Variants in NAALADL2 observed in about 807,000 individuals in gnomAD.
NAALADL2 encodes inactive N-acetylated-alpha-linked acidic dipeptidase-like protein 2.
NAALADL2 carries 76 observed loss-of-function variants against 87.2 expected under a neutral mutation model. The ratio of observed to expected loss-of-function variants is 0.87; its 90% confidence interval spans 0.72 to 1.05. The LOEUF is 1.05. Among genes scored for constraint, NAALADL2 ranks in the 50% least tolerant of loss-of-function variants. The pLI is 0.00. For missense variants in NAALADL2, 1,089 were observed against 945.8 expected, an observed-to-expected ratio of 1.15 and a Z score of -1.99; for synonymous variants, 354 against 331.0, an observed-to-expected ratio of 1.07 and a Z score of -0.75.
chr3:175,469,158 G>A (rs1301299814), intron 8 of NAALADL2, among the ~76,000 whole-genome samples: 1 of 151,980 alleles, frequency 6.6e-6, no homozygotes, highest in Admixed American at 6.6e-5. Flanking sequence ...AATGAAAATG[G>A]TAAATAATAT....
chr3:175,236,770 T>C (rs1560208781), intron 3 of NAALADL2, among the ~76,000 whole-genome samples: 1 of 152,202 alleles, frequency 6.6e-6, no homozygotes. Flanking sequence ...TGTGCAGATA[T>C]TGGACACAGA....
At chr3:175,086,215 T>G (rs1718867025) in intron 1 of NAALADL2, among the ~76,000 whole-genome samples, 1 of 152,216 alleles carries the variant, frequency 6.6e-6, no homozygotes, top group Admixed American at 6.5e-5. Context: ...TGGTTCTTTA[T>G]AGTTTACAAT....
At chr3:174,543,784 G>A (rs958700175) in intron 1 of NAALADL2, among the ~76,000 whole-genome samples, 4 of 152,020 alleles carry the variant, frequency 2.6e-5, no homozygotes, top group African/African-American at 9.7e-5. Flanking sequence ...TAGGTGGGTG[G>A]ATCACTTGAG....
chr3:175,736,627 T>C (rs1375002138), intron 11 of NAALADL2, among the ~76,000 whole-genome samples: 1 of 152,252 alleles, frequency 6.6e-6, no homozygotes, highest in East Asian at 1.9e-4. Context: ...CAGGTTAAAA[T>C]GTCTACATGC....
chr3:174,762,807 A>G (rs1713204342), intron 3 of NAALADL2, among the ~76,000 whole-genome samples: 1 of 152,200 alleles, frequency 6.6e-6, no homozygotes, highest in Non-Finnish European at 1.5e-5. Context: ...AATATTTGCA[A>G]CTACAGTGCC....
chr3:175,790,599 C>G (rs1360672572), intron 13 of NAALADL2, among the ~76,000 whole-genome samples: 1 of 152,212 alleles, frequency 6.6e-6, no homozygotes, highest in Non-Finnish European at 1.5e-5. Flanking sequence ...GATGCAACGT[C>G]TAAGATTCCT....
intron 3 of NAALADL2, among the ~76,000 whole-genome samples, chr3:174,840,685 C>G (rs1723930002): frequency 6.6e-6 from 1 of 152,092 alleles, no homozygotes; most frequent in African/African-American, 2.4e-5. Context: ...CCCATTCAGC[C>G]TCTTATCTTG....
At chr3:174,902,402 C>A (rs1290473822) in intron 1 of NAALADL2, among the ~76,000 whole-genome samples, 1 of 151,832 alleles carries the variant, frequency 6.6e-6, no homozygotes, top group Non-Finnish European at 1.5e-5. Context: ...TCTTCTCCAC[C>A]CGGTAGTGAC....
chr3:174,490,421 T>A (rs1718108103), intron 1 of NAALADL2, among the ~76,000 whole-genome samples: 1 of 152,070 alleles, frequency 6.6e-6, no homozygotes, highest in Admixed American at 6.6e-5. Context: ...GGAATGACTG[T>A]TAATGGGCAT....
At chr3:175,439,229 T>C (rs1385298232) in intron 5 of NAALADL2, among the ~76,000 whole-genome samples, 4 of 152,154 alleles carry the variant, frequency 2.6e-5, no homozygotes. Flanking sequence ...ACATACCATA[T>C]TTCCTCATTG....
chr3:175,086,056 TAG>T (rs1384162509), intron 1 of NAALADL2, among the ~76,000 whole-genome samples: 1 of 152,222 alleles, frequency 6.6e-6, no homozygotes, highest in Admixed American at 6.5e-5. Context: ...TCGTTTTTCA[TAG>T]AGTGTCAGAG....
At chr3:175,328,045 T>C (rs1322118805) in intron 5 of NAALADL2, among the ~76,000 whole-genome samples, 1 of 152,204 alleles carries the variant, frequency 6.6e-6, no homozygotes, top group Non-Finnish European at 1.5e-5. Flanking sequence ...GGTCTTTTAC[T>C]TCAAGGAGGA....
At chr3:174,705,100 G>A (rs929063554) in intron 2 of NAALADL2, among the ~76,000 whole-genome samples, 1 of 152,038 alleles carries the variant, frequency 6.6e-6, no homozygotes, top group African/African-American at 2.4e-5. Flanking sequence ...AGCAGCTCAG[G>A]GTCCTAGGCA....
intron 3 of NAALADL2, among the ~76,000 whole-genome samples, chr3:174,836,961 C>T (rs140392995): frequency 2.1e-4 from 32 of 151,774 alleles, no homozygotes; most frequent in Admixed American, 3.9e-4. Context: ...AAAAATAAAA[C>T]GATATATGCC....
chr3:174,692,836 A>G lies in NAALADL2; in HGVS notation c.-114-44805A>G, dbSNP rs571543604. Among the ~76,000 whole-genome samples the G allele has an allele frequency of 7.9e-5, 12 of 151,664 alleles. No individual in the cohort carries two copies. The South Asian group carries it at 2.1e-3, about 26-fold the overall frequency. On this transcript the variant is annotated intron_variant, in intron 2 of 3. Transcript: ENST00000434257. ...AAATGCTGTGTAAAATACTGCAATC[A>G]TTATTGTCTCTTTTAAACAAGTTTT...
intron 2 of NAALADL2, among the ~76,000 whole-genome samples, chr3:174,586,539 G>T (rs937178737): frequency 1.4e-4 from 22 of 152,204 alleles, no homozygotes; most frequent in Non-Finnish European, 8.8e-5. Flanking sequence ...CAGTTGGCTG[G>T]ATAGCAGAAC....
intron 3 of NAALADL2, among the ~76,000 whole-genome samples, chr3:174,848,950 A>G (rs1231131191): frequency 3.9e-5 from 6 of 152,184 alleles, no homozygotes; most frequent in African/African-American, 1.4e-4. Context: ...ATATTACTAT[A>G]CTGAATATTG....
intron 4 of NAALADL2, among the ~76,000 whole-genome samples, chr3:175,305,613 C>G (rs945827646): frequency 6.6e-6 from 1 of 152,086 alleles, no homozygotes; most frequent in East Asian, 1.9e-4. Flanking sequence ...ACCTCCACCT[C>G]CTCGGTTCAA....
At chr3:174,882,418 ATG>A (rs1295165813) in intron 1 of NAALADL2, among the ~76,000 whole-genome samples, 19 of 133,168 alleles carry the variant, frequency 1.4e-4, no homozygotes, top group Non-Finnish European at 1.3e-4. Flanking sequence ...TATATTGTGT[ATG>A]TGTGTTGTGT....
Sources: gnomAD v4.1 joint callset for allele counts (sites outside exome capture counted in the v4.1 genomes callset) on GRCh38, gnomAD v4.1.1 for gene constraint, MANE v1.5 for transcripts, NCBI Gene and HGNC (gene_info 2026-07-23, HGNC 2026-07-21) for gene names.